UEVLD: variants seen among roughly 807,000 people sequenced by gnomAD.
UEVLD encodes ubiquitin-conjugating enzyme E2 variant 3.
Under a neutral mutation model 58.6 loss-of-function variants are expected in UEVLD, and 47 were observed. The observed-to-expected ratio is 0.80, with a 90% CI of 0.63 to 1.02. UEVLD has a LOEUF of 1.02. Among genes scored for constraint, UEVLD ranks in the 50% least tolerant of loss-of-function variants. The probability of loss-of-function intolerance (pLI) is 0.00; values close to 1 mark genes in which losing one functional copy is unlikely to be tolerated. For synonymous variants in UEVLD, 197 were observed against 195.3 expected, an observed-to-expected ratio of 1.01 and a Z score of -0.07; for missense variants, 510 against 550.6, an observed-to-expected ratio of 0.93 and a Z score of 0.74.
intron 1 of UEVLD, among the ~76,000 whole-genome samples, chr11:18,583,542 A>G (rs1231860024): frequency 6.6e-6 from 1 of 152,062 alleles, no homozygotes; most frequent in Non-Finnish European, 1.5e-5. Flanking sequence ...TTTCAAGAGT[A>G]TTCTTACATG....
chr11:18,566,388 C>T lies in UEVLD; in HGVS notation c.452G>A (p.Arg151Gln). 4.3e-6 allele frequency: 7 copies of T among 1,614,072 alleles called. No individual in the cohort carries two copies. Among genetic ancestry groups the T allele is most frequent in the Middle Eastern group, 1.7e-4 (1 of 6,060 alleles). ...MYSLSSSDEARQVDLLAYIAK... is the reference protein window; with the variant it reads ...MYSLSSSDEAQQVDLLAYIAK... ...AATATAGGCTAGCAAGTCTACCTGCCGTGCCTCATCAGATGATGATAGAGA... is the reference window on the plus strand; with the variant it reads ...AATATAGGCTAGCAAGTCTACCTGCTGTGCCTCATCAGATGATGATAGAGA... Residue 151 changes from arginine (R) to glutamine (Q), a missense_variant, in exon 5 of 12, where the codon CGG (arginine) becomes CAG (glutamine). By Grantham distance (43) the Arg-to-Gln change is conservative. Transcript: ENST00000396197.
intron 7 of UEVLD, among the ~76,000 whole-genome samples, chr11:18,553,460 A>C (rs193046699): frequency 5.9e-4 from 90 of 152,342 alleles, no homozygotes; most frequent in Non-Finnish European, 1.0e-3. Flanking sequence ...GTGTAGAATT[A>C]ATTCCTTAAT....
chr11:18,545,074 A>ATCTATATATATATT (rs1345787784), intron 8 of UEVLD, among the ~76,000 whole-genome samples: 1 of 84,572 alleles, frequency 1.2e-5, no homozygotes, highest in African/African-American at 4.1e-5. Context: ...CTATATCTAT[A>ATCTATATATATATT]TTTTTTTTTT....
chr11:18,553,454 A>C (rs1851621861), intron 7 of UEVLD, among the ~76,000 whole-genome samples: 1 of 152,206 alleles, frequency 6.6e-6, no homozygotes, highest in African/African-American at 2.4e-5. Flanking sequence ...TCAAAAGTGT[A>C]GAATTAATTC....
In UEVLD at chr11:18,539,380, TA is replaced by T. The variant is rs1850961403; in HGVS notation, c.1061-2912del. On this transcript the variant is annotated intron_variant, in intron 9 of 11. Coordinates refer to ENST00000396197, the MANE Select transcript of UEVLD (RefSeq NM_001040697.4). Reference sequence around the variant, plus strand: ...CTGCACCCAGCCAAAAGTTTTTGTATAAGAAAAAAACACAAAACCATGAACT... The same window carrying T: ...CTGCACCCAGCCAAAAGTTTTTGTATAGAAAAAAACACAAAACCATGAACT... 2.6e-5 allele frequency among the ~76,000 whole-genome samples: 4 copies of T among 151,954 alleles called. No individual in the cohort carries two copies. The South Asian group carries it at 8.3e-4, about 32-fold the overall frequency.
chr11:18,587,638 A>G (rs898744698), intron 1 of UEVLD: 4 of 152,068 alleles, frequency 2.6e-5, no homozygotes, highest in African/African-American at 9.7e-5. Flanking sequence ...ACCCATCTCT[A>G]CTAAAATACA....
At chr11:18,544,895 C>T (rs1045246166) in intron 8 of UEVLD, 99 bp from the exon 9 acceptor site, 1 of 772,192 alleles carries the variant, frequency 1.3e-6, no homozygotes. Context: ...ATATTAGGTC[C>T]TCAATGCACT....
intron 8 of UEVLD, among the ~76,000 whole-genome samples, chr11:18,546,358 C>G (rs1851301281): frequency 6.6e-6 from 1 of 152,046 alleles, no homozygotes; most frequent in African/African-American, 2.4e-5. Context: ...AAATTGTATG[C>G]TGGAACCTTC....
chr11:18,578,733 C>T lies in UEVLD; in HGVS notation c.118G>A (p.Asp40Asn). Residue 40 changes from aspartate (D) to asparagine (N), a missense_variant, in exon 2 of 12, where the codon GAC (aspartate) becomes AAC (asparagine). Coordinates refer to ENST00000396197, the MANE Select transcript of UEVLD (RefSeq NM_001040697.4). The stretch of plus-strand genomic sequence containing the variant: ...AGGATATGATTCTTACCATAGGTGT[C>T]CATGGAATATTTGAAATGTGGGAAA... Reference protein sequence around the residue: ...VFFPHFKYSMDTYVFKDSSQK... With the variant: ...VFFPHFKYSMNTYVFKDSSQK... 1 of 1,603,498 alleles carries T rather than the reference C, an allele frequency of 6.2e-7. No individual in the cohort carries two copies. Among genetic ancestry groups the T allele is most frequent in the Non-Finnish European group, 8.5e-7 (1 of 1,173,490 alleles).
chr11:18,537,317 T>C (rs1850844828), intron 9 of UEVLD, among the ~76,000 whole-genome samples: 2 of 30,718 alleles, frequency 6.5e-5, no homozygotes, highest in South Asian at 5.4e-3. Context: ...TCTTTATATA[T>C]ATATATATTT....
At chr11:18,571,884 G>T (rs968776492) in intron 3 of UEVLD, among the ~76,000 whole-genome samples, 1 of 152,008 alleles carries the variant, frequency 6.6e-6, no homozygotes, top group African/African-American at 2.4e-5. Context: ...GTTACAGTTA[G>T]CTATGATCAC....
At chr11:18,574,382 C>T (rs1260289310) in intron 3 of UEVLD, among the ~76,000 whole-genome samples, 1 of 152,198 alleles carries the variant, frequency 6.6e-6, no homozygotes, top group Non-Finnish European at 1.5e-5. Context: ...AAGTGATCTG[C>T]CCACCTAGGC....
intron 1 of UEVLD, among the ~76,000 whole-genome samples, chr11:18,581,664 C>G (rs1013830801): frequency 7.0e-6 from 1 of 143,698 alleles, no homozygotes; most frequent in African/African-American, 2.6e-5. Flanking sequence ...AGTGACAGAG[C>G]GAGACACTGT....
chr11:18,563,119 C>A (rs900308211), intron 6 of UEVLD, among the ~76,000 whole-genome samples: 32 of 149,150 alleles, frequency 2.1e-4, no homozygotes, highest in Non-Finnish European at 3.7e-4. Context: ...AAAAAAAAGA[C>A]AAATAATTAC....
chr11:18,566,875 T>C (rs549282877), intron 4 of UEVLD, among the ~76,000 whole-genome samples: 6 of 152,232 alleles, frequency 3.9e-5, no homozygotes, highest in Non-Finnish European at 8.8e-5. Flanking sequence ...AGCATGAATA[T>C]GCTTAATAGC....
chr11:18,533,793 TAC>T (rs969768063), intron 11 of UEVLD, among the ~76,000 whole-genome samples: 31 of 152,270 alleles, frequency 2.0e-4, no homozygotes, highest in African/African-American at 7.2e-4. Context: ...TAGCTGGGAT[TAC>T]AGACATACGC....
rs1853068242 is a variant in UEVLD at position 18,578,729 on chromosome 11, G to C, written c.122C>G (p.Thr41Ser). 1.9e-6 allele frequency: 3 copies of C among 1,600,210 alleles called. No individual in the cohort carries two copies. The East Asian group carries it at 6.7e-5, about 36-fold the overall frequency. ...CTAGAGGATATGATTCTTACCATAG[G>C]TGTCCATGGAATATTTGAAATGTGG... ...FFPHFKYSMD[T>S]YVFKDSSQKD... is the part of the protein sequence containing the mutation. The change falls in exon 2 of 12, where the codon ACC becomes AGC. Residue 41 changes from threonine to serine, a missense_variant. Transcript: ENST00000396197.
At chr11:18,542,781 G>A (rs1851108913) in intron 9 of UEVLD, among the ~76,000 whole-genome samples, 1 of 151,862 alleles carries the variant, frequency 6.6e-6, no homozygotes. Context: ...TTGCTTTGTG[G>A]AAATATGGTT....
At chr11:18,532,689 T>A (rs1423669422) in intron 11 of UEVLD, among the ~76,000 whole-genome samples, 4 of 152,210 alleles carry the variant, frequency 2.6e-5, no homozygotes, top group African/African-American at 9.6e-5. Context: ...TGTTATCATT[T>A]CAGAAAATTT....
Sources: allele counts gnomAD v4.1 joint callset (sites outside exome capture counted in the v4.1 genomes callset), GRCh38; gene constraint gnomAD v4.1.1; transcripts MANE v1.5; gene names NCBI Gene and HGNC (gene_info 2026-07-23, HGNC 2026-07-21).